Variants in AGBL1 observed in about 807,000 individuals in gnomAD.
AGBL1 encodes AGBL carboxypeptidase 1.
AGBL1 carries 130 observed loss-of-function variants against 118.9 expected under a neutral mutation model. That is an observed-to-expected ratio of 1.09 (90% CI 0.95 to 1.26). The LOEUF (loss-of-function observed/expected upper bound fraction) is 1.26, where lower values mean the gene tolerates loss of function less well. AGBL1 is among the 50% of genes most tolerant of loss of function. The pLI, the probability that AGBL1 is intolerant of heterozygous loss-of-function variation, is 0.00. For missense variants in AGBL1, 1,584 were observed against 1,298.1 expected, an observed-to-expected ratio of 1.22 and a Z score of -3.38; for synonymous variants, 555 against 478.9, an observed-to-expected ratio of 1.16 and a Z score of -2.08.
chr15:86,906,372 T>A (rs2080280055), intron 22 of AGBL1, among the ~76,000 whole-genome samples: 1 of 152,230 alleles, frequency 6.6e-6, no homozygotes, highest in Admixed American at 6.5e-5. Flanking sequence ...GGTCAACCCC[T>A]GTTGATCTTC....
chr15:86,380,959 T>TGTGTAC lies in AGBL1; in HGVS notation c.2375-16407_2375-16406insGTGTAC, dbSNP rs562289089. 1.4e-3 allele frequency among the ~76,000 whole-genome samples: 219 copies of TGTGTAC among 152,124 alleles called. 3 individuals are homozygous for TGTGTAC. In the South Asian group the frequency reaches 0.044, roughly 30 times the overall value. ...AAGTGTGTGTGTGTGTGTGTGTGTG[T>TGTGTAC]ACCAGTCACTGTGCTTGTTTCTAAT... On this transcript the variant is annotated intron_variant, in intron 17 of 22. Coordinates refer to ENST00000614907, the MANE Select transcript of AGBL1 (RefSeq NM_001386094.1).
chr15:86,303,359 C>A (rs1217361503), intron 17 of AGBL1, among the ~76,000 whole-genome samples: 1 of 151,932 alleles, frequency 6.6e-6, no homozygotes, highest in East Asian at 1.9e-4. Flanking sequence ...GAGGGAGGGG[C>A]CTAAATTTAA....
intron 22 of AGBL1, among the ~76,000 whole-genome samples, chr15:86,884,716 G>A (rs528633201): frequency 2.6e-5 from 4 of 152,194 alleles, no homozygotes; most frequent in African/African-American, 4.8e-5. Context: ...GGAGGCTGAC[G>A]TGGGAGAACC....
intron 18 of AGBL1, among the ~76,000 whole-genome samples, chr15:86,408,351 C>T (rs1204437317): frequency 6.6e-6 from 1 of 152,200 alleles, no homozygotes; most frequent in Non-Finnish European, 1.5e-5. Context: ...CTTTCAGGCA[C>T]AGGCTAGGGC....
intron 21 of AGBL1, among the ~76,000 whole-genome samples, chr15:86,644,652 AT>A (rs926255835): frequency 3.3e-5 from 5 of 151,614 alleles, no homozygotes; most frequent in East Asian, 1.9e-4. Context: ...AAAAAAAAAA[AT>A]CAATATCATG....
At chr15:86,357,639 T>G (rs983079397) in intron 17 of AGBL1, among the ~76,000 whole-genome samples, 1 of 152,160 alleles carries the variant, frequency 6.6e-6, no homozygotes, top group African/African-American at 2.4e-5. Context: ...CATAAAGTTA[T>G]CTACTTCCCT....
chr15:86,346,944 A>G (rs2080547244), intron 17 of AGBL1, among the ~76,000 whole-genome samples: 1 of 152,214 alleles, frequency 6.6e-6, no homozygotes, highest in Admixed American at 6.5e-5. Context: ...AAGGCTATGA[A>G]AAATTACCCC....
intron 23 of AGBL1, among the ~76,000 whole-genome samples, chr15:86,964,033 G>C (rs8029648): frequency 0.02 from 861 of 44,070 alleles, 6 homozygotes; most frequent in Middle Eastern, 0.058. Context: ...CTCTCTCTCT[G>C]TGTGTGTGTG....
intron 24 of AGBL1, among the ~76,000 whole-genome samples, chr15:87,017,586 AC>A (rs1265005596): frequency 6.6e-6 from 1 of 152,160 alleles, no homozygotes; most frequent in Non-Finnish European, 1.5e-5. Flanking sequence ...AAACAGACAA[AC>A]AGAAAACAAC....
intron 23 of AGBL1, among the ~76,000 whole-genome samples, chr15:86,951,249 A>G (rs544846124): frequency 6.6e-6 from 1 of 152,306 alleles, no homozygotes; most frequent in Non-Finnish European, 1.5e-5. Flanking sequence ...GAACTGGCAC[A>G]ACCACCTGAT....
chr15:86,305,729 A>G (rs2079829483), intron 17 of AGBL1, among the ~76,000 whole-genome samples: 1 of 152,182 alleles, frequency 6.6e-6, no homozygotes, highest in South Asian at 2.1e-4. Flanking sequence ...ACACACATGC[A>G]CACTCACATA....
chr15:86,396,258 T>G (rs928529543), intron 17 of AGBL1, among the ~76,000 whole-genome samples: 3 of 149,288 alleles, frequency 2.0e-5, no homozygotes, highest in Non-Finnish European at 4.4e-5. Context: ...TATATATATA[T>G]ATATACACAC....
chr15:86,703,187 A>G (rs1230414248), intron 22 of AGBL1, among the ~76,000 whole-genome samples: 2 of 152,180 alleles, frequency 1.3e-5, no homozygotes, highest in African/African-American at 4.8e-5. Flanking sequence ...ACATTATTAC[A>G]AGTGGAATAG....
chr15:86,945,244 TAAA>T (rs11326362), intron 23 of AGBL1, among the ~76,000 whole-genome samples: 17 of 70,770 alleles, frequency 2.4e-4, no homozygotes, highest in African/African-American at 3.2e-4. Flanking sequence ...ACCCCATCAC[TAAA>T]AAAAAAAAAA....
chr15:86,987,031 T>C (rs565758525), intron 23 of AGBL1, among the ~76,000 whole-genome samples: 11 of 152,054 alleles, frequency 7.2e-5, no homozygotes, highest in Non-Finnish European at 1.6e-4. Context: ...GGGGAGCTTT[T>C]TGAGCCAGGA....
chr15:86,458,381 T>C (rs139398537), intron 18 of AGBL1, among the ~76,000 whole-genome samples: 40 of 152,342 alleles, frequency 2.6e-4, no homozygotes, highest in Admixed American at 7.2e-4. Flanking sequence ...AGAATTAAGC[T>C]ATCCATTTTG....
chr15:86,171,190 C>T (rs1763669138), intron 5 of AGBL1, among the ~76,000 whole-genome samples: 1 of 152,080 alleles, frequency 6.6e-6, no homozygotes, highest in African/African-American at 2.4e-5. Context: ...AAAGATGTAT[C>T]TATTCAAAAG....
chr15:87,014,276 G>A (rs717325), intron 24 of AGBL1, among the ~76,000 whole-genome samples: 10,185 of 87,288 alleles, frequency 0.12, 537 homozygotes, highest in East Asian at 0.38. Flanking sequence ...ATTAGCTAAC[G>A]CAAAAGAAAG....
rs576352810 is a variant in AGBL1 at position 86,204,804 on chromosome 15, G to T, written c.489-20110G>T. On this transcript the variant is annotated intron_variant, in intron 5 of 22. Coordinates refer to ENST00000614907, the MANE Select transcript of AGBL1 (RefSeq NM_001386094.1). ...GGTGTTTCGCCATGTTGGCCAGCCTGGTCTTGAACTCCTGACCTCAGGTGA... is the reference window on the plus strand; with the variant it reads ...GGTGTTTCGCCATGTTGGCCAGCCTTGTCTTGAACTCCTGACCTCAGGTGA... 2.0e-5 allele frequency among the ~76,000 whole-genome samples: 3 copies of T among 152,170 alleles called. No homozygotes were observed. The East Asian group carries it at 5.8e-4, about 29-fold the overall frequency.
Sources: gnomAD v4.1 joint callset for allele counts (sites outside exome capture counted in the v4.1 genomes callset) on GRCh38, gnomAD v4.1.1 for gene constraint, MANE v1.5 for transcripts, NCBI Gene and HGNC (gene_info 2026-07-23, HGNC 2026-07-21) for gene names.